The following MEF2C variants were observed in gnomAD, a reference collection of about 807,000 sequenced individuals.
MEF2C encodes myocyte enhancer factor 2C, also known as myocyte-specific enhancer factor 2C.
A neutral mutation model predicts 50.5 loss-of-function variants in MEF2C; 6 were observed. The observed-to-expected ratio is 0.12, with a 90% CI of 0.07 to 0.23. The LOEUF (loss-of-function observed/expected upper bound fraction) is 0.23, where lower values mean the gene tolerates loss of function less well. Ranked by LOEUF, MEF2C falls within the 10% of genes least tolerant of loss-of-function variation. The pLI, the probability that MEF2C is intolerant of heterozygous loss-of-function variation, is 1.00. For missense variants in MEF2C, 276 were observed against 605.0 expected (o/e 0.46, Z 5.70); for synonymous variants, 183 against 228.0 (o/e 0.80, Z 1.78).
chr5:88,767,308 T>A (rs916097332), intron 3 of MEF2C, among the ~76,000 whole-genome samples: 1 of 152,226 alleles, frequency 6.6e-6, no homozygotes, highest in Non-Finnish European at 1.5e-5. Context: ...GAAGATTAGA[T>A]GCCAAGAAAT....
chr5:88,791,895 C>T (rs944691327), intron 3 of MEF2C, among the ~76,000 whole-genome samples: 4 of 151,894 alleles, frequency 2.6e-5, no homozygotes, highest in African/African-American at 9.7e-5. Context: ...GAAGCCACAA[C>T]ATAGAAGGTT....
intron 1 of MEF2C, among the ~76,000 whole-genome samples, chr5:88,881,930 GTCT>G (rs756510791): frequency 1.1e-4 from 17 of 152,140 alleles, no homozygotes; most frequent in Non-Finnish European, 2.4e-4. Context: ...ATTCTACTTA[GTCT>G]ACTGTCAGCA....
At chr5:88,888,888 C>T (rs1382858620) in intron 1 of MEF2C, 1 of 152,130 alleles carries the variant, frequency 6.6e-6, no homozygotes, top group African/African-American at 2.4e-5. Flanking sequence ...CCTTTACTTA[C>T]AAAATTGTTA....
At chr5:88,855,373 T>C (rs1822919593) in intron 1 of MEF2C, among the ~76,000 whole-genome samples, 2 of 152,224 alleles carry the variant, frequency 1.3e-5, no homozygotes, top group Non-Finnish European at 2.9e-5. Context: ...TAAGATGATA[T>C]ACTTCTTTTA....
intron 1 of MEF2C, among the ~76,000 whole-genome samples, chr5:88,875,384 T>C (rs938874561): frequency 2.6e-5 from 4 of 152,016 alleles, no homozygotes; most frequent in Non-Finnish European, 5.9e-5. Flanking sequence ...AACGTTGCTA[T>C]TTCCCGAGAT....
rs781362686 is a variant in MEF2C at position 88,822,358 on chromosome 5, C to T, written c.54+1377G>A. 3.3e-5 allele frequency among the ~76,000 whole-genome samples: 5 copies of T among 151,906 alleles called. No individual in the cohort carries two copies. In the South Asian group the frequency reaches 8.3e-4, roughly 25 times the overall value. On this transcript the variant is annotated intron_variant, in intron 2 of 10. Coordinates refer to ENST00000504921, the MANE Select transcript of MEF2C (RefSeq NM_002397.5). ...AAGCTATAGGCCAATTAAAAAATAG[C>T]GGTTTTCTATTGACACAATGATTGC...
chr5:88,891,420 C>T (rs942361942), intron 1 of MEF2C, among the ~76,000 whole-genome samples: 8 of 98,398 alleles, frequency 8.1e-5, no homozygotes, highest in Admixed American at 2.7e-4. Context: ...TTTTTTGAGA[C>T]GCAGTCTCGC....
intron 4 of MEF2C, among the ~76,000 whole-genome samples, chr5:88,756,144 T>C (rs1015061197): frequency 3.3e-5 from 5 of 152,244 alleles, no homozygotes; most frequent in Non-Finnish European, 7.3e-5. Flanking sequence ...TATCAAGAAC[T>C]ACCTATAATA....
chr5:88,869,252 C>CATATATACATATATATATATATATATAT, intron 1 of MEF2C, among the ~76,000 whole-genome samples: 1 of 89,982 alleles, frequency 1.1e-5, no homozygotes, highest in Admixed American at 1.5e-4. Flanking sequence ...AACTAGTTTT[C>CATATATACATATATATATATATATATAT]ATATATATAT....
At chr5:88,771,453 C>A (rs1782385850) in intron 3 of MEF2C, 2 of 985,394 alleles carry the variant, frequency 2.0e-6, no homozygotes, top group Non-Finnish European at 2.4e-6. Flanking sequence ...TTGTAGAAGG[C>A]ACTCAGGAAC....
At chr5:88,785,530 G>A (rs924192256) in intron 3 of MEF2C, 3 of 152,122 alleles carry the variant, frequency 2.0e-5, no homozygotes, top group Non-Finnish European at 4.4e-5. Flanking sequence ...GTCTCAGGGA[G>A]CTAAACTAAA....
chr5:88,794,636 T>C (rs1795245251), intron 3 of MEF2C, among the ~76,000 whole-genome samples: 1 of 152,232 alleles, frequency 6.6e-6, no homozygotes, highest in African/African-American at 2.4e-5. Context: ...GCAGAAGCTC[T>C]TTAGTTTAAT....
At chr5:88,764,032 A>G (rs1580302118) in intron 3 of MEF2C, among the ~76,000 whole-genome samples, 2 of 152,300 alleles carry the variant, frequency 1.3e-5, no homozygotes, top group Non-Finnish European at 1.5e-5. Context: ...TAGATTTTTC[A>G]GTGTGCACCC....
chr5:88,736,631 T>C, intron 6 of MEF2C: 1 of 985,082 alleles, frequency 1.0e-6, no homozygotes, highest in Non-Finnish European at 1.2e-6. Flanking sequence ...CTTAAAGCTG[T>C]ATGCAAACTT....
chr5:88,897,186 TTACTC>T (rs1013861138), intron 1 of MEF2C, among the ~76,000 whole-genome samples: 20 of 152,348 alleles, frequency 1.3e-4, no homozygotes, highest in Admixed American at 8.5e-4. Flanking sequence ...ATCACTGTAA[TTACTC>T]TATGATTGCA....
At chr5:88,775,756 A>ATTGTCACCT in intron 3 of MEF2C, 1 of 938,604 alleles carries the variant, frequency 1.1e-6, no homozygotes, top group East Asian at 1.2e-4. Flanking sequence ...TTAGGTGTGC[A>ATTGTCACCT]TTGTCACCTT....
At chr5:88,792,537 T>G (rs1794243756) in intron 3 of MEF2C, among the ~76,000 whole-genome samples, 1 of 152,206 alleles carries the variant, frequency 6.6e-6, no homozygotes, top group African/African-American at 2.4e-5. Flanking sequence ...GAAAACACAA[T>G]TTGTTTAAAT....
At chr5:88,839,343 C>CTA (rs1816425764) in intron 1 of MEF2C, 1 of 135,950 alleles carries the variant, frequency 7.4e-6, no homozygotes, top group Non-Finnish European at 1.6e-5. Flanking sequence ...CTCTCTCTCT[C>CTA]TCTCTCTCTC....
intron 1 of MEF2C, among the ~76,000 whole-genome samples, chr5:88,871,662 AGAAAAGCT>A (rs1209661539): frequency 6.6e-6 from 1 of 152,108 alleles, no homozygotes; most frequent in African/African-American, 2.4e-5. Context: ...CCATGTGAAC[AGAAAAGCT>A]GAACAAAAGG....
Sources: allele counts gnomAD v4.1 joint callset (sites outside exome capture counted in the v4.1 genomes callset), GRCh38; gene constraint gnomAD v4.1.1; transcripts MANE v1.5; gene names NCBI Gene and HGNC (gene_info 2026-07-23, HGNC 2026-07-21).